PITPNC1: variants seen among roughly 807,000 people sequenced by gnomAD.
The protein encoded by PITPNC1 is cytoplasmic phosphatidylinositol transfer protein 1.
In PITPNC1, 18 loss-of-function variants were observed where a neutral mutation model predicts 44.7. The observed-to-expected ratio is 0.40, with a 90% CI of 0.28 to 0.60. The LOEUF is 0.60. Ranked by LOEUF, PITPNC1 falls within the 20% of genes least tolerant of loss-of-function variation. The probability of loss-of-function intolerance (pLI) is 0.39; values close to 1 mark genes in which losing one functional copy is unlikely to be tolerated. For synonymous variants in PITPNC1, 141 were observed against 149.6 expected (o/e 0.94, Z 0.42); for missense variants, 290 against 418.4 (o/e 0.69, Z 2.68).
At chr17:67,528,855 C>T (rs756723170) in intron 1 of PITPNC1, among the ~76,000 whole-genome samples, 2 of 152,262 alleles carry the variant, frequency 1.3e-5, no homozygotes, top group Admixed American at 1.3e-4. Flanking sequence ...TCTCCCTCCC[C>T]CAAACGAGAA....
At chr17:67,566,609 G>T (rs1411734432) in intron 4 of PITPNC1, among the ~76,000 whole-genome samples, 1 of 152,186 alleles carries the variant, frequency 6.6e-6, no homozygotes, top group Non-Finnish European at 1.5e-5. Context: ...GGGTAATTTG[G>T]CATCTAAAGG....
At chr17:67,608,773 G>C (rs374715952) in intron 5 of PITPNC1, among the ~76,000 whole-genome samples, 123 of 150,368 alleles carry the variant, frequency 8.2e-4, no homozygotes, top group African/African-American at 2.8e-3. Flanking sequence ...CAAAGCGTTG[G>C]GAGGCATGAA....
chr17:67,432,176 G>C (rs987089422), intron 1 of PITPNC1, among the ~76,000 whole-genome samples: 3 of 152,186 alleles, frequency 2.0e-5, no homozygotes, highest in African/African-American at 4.8e-5. Context: ...TGGAAGAATT[G>C]TCTTGGACCA....
At chr17:67,545,772 C>T (rs942265687) in intron 2 of PITPNC1, among the ~76,000 whole-genome samples, 2 of 152,018 alleles carry the variant, frequency 1.3e-5, no homozygotes, top group African/African-American at 4.8e-5. Flanking sequence ...CACACACATA[C>T]ACAGACGGAG....
chr17:67,516,396 C>A (rs2040258443), intron 1 of PITPNC1, among the ~76,000 whole-genome samples: 1 of 152,132 alleles, frequency 6.6e-6, no homozygotes, highest in South Asian at 2.1e-4. Context: ...CCTCATTTGT[C>A]AAATAGGGAT....
intron 5 of PITPNC1, among the ~76,000 whole-genome samples, chr17:67,631,406 G>A (rs538400698): frequency 1.1e-4 from 16 of 145,916 alleles, no homozygotes; most frequent in African/African-American, 4.0e-4. Flanking sequence ...GAGGCGGGCG[G>A]ATCACGAGGT....
At chr17:67,381,464 C>CTG (rs2037958579) in intron 1 of PITPNC1, among the ~76,000 whole-genome samples, 1 of 147,192 alleles carries the variant, frequency 6.8e-6, no homozygotes, top group East Asian at 2.1e-4. Context: ...ACTTGTTTCT[C>CTG]TCTCTTTTTT....
At chr17:67,523,856 GGC>G (rs1331626037) in intron 1 of PITPNC1, among the ~76,000 whole-genome samples, 1 of 138,770 alleles carries the variant, frequency 7.2e-6, no homozygotes, top group East Asian at 2.1e-4. Flanking sequence ...TCTGTCACCA[GGC>G]TGGAGCACAG....
chr17:67,689,289 G>T (rs921990679), intron 8 of PITPNC1, among the ~76,000 whole-genome samples: 2 of 152,012 alleles, frequency 1.3e-5, no homozygotes, highest in African/African-American at 4.8e-5. Context: ...AGGTGATAAC[G>T]TAGAGTGGTT....
At chr17:67,534,375 C>T (rs902704981) in intron 2 of PITPNC1, among the ~76,000 whole-genome samples, 1 of 152,112 alleles carries the variant, frequency 6.6e-6, no homozygotes, top group African/African-American at 2.4e-5. Flanking sequence ...TGGTGGCTCA[C>T]ACCTATAATC....
chr17:67,629,111 G>C (rs1475681259), intron 5 of PITPNC1, among the ~76,000 whole-genome samples: 2 of 152,038 alleles, frequency 1.3e-5, no homozygotes, highest in Non-Finnish European at 2.9e-5. Context: ...AACCTGTCAT[G>C]CCCCCCCTTC....
chr17:67,535,804 G>A (rs1196092610), intron 2 of PITPNC1, among the ~76,000 whole-genome samples: 2 of 152,216 alleles, frequency 1.3e-5, no homozygotes, highest in Admixed American at 6.5e-5. Flanking sequence ...AAGCAGACCC[G>A]TTAATGCTAA....
intron 8 of PITPNC1, among the ~76,000 whole-genome samples, chr17:67,680,420 T>C (rs2042681217): frequency 6.6e-6 from 1 of 152,022 alleles, no homozygotes; most frequent in Admixed American, 6.6e-5. Flanking sequence ...GCCAACATGG[T>C]GAAACTCCGT....
In PITPNC1 at chr17:67,451,646, TG is replaced by T. The variant is rs1369351417; in HGVS notation, c.48+73445del. ...AGACTGACCTTTTTTTTTTTTGTTT[TG>T]TTTTTTTTTGAGACAGAGTCTCGCT... is the stretch of plus-strand genomic sequence containing the variant. On this transcript the variant is annotated intron_variant, in intron 1 of 8. Coordinates refer to ENST00000581322, the MANE Select transcript of PITPNC1 (RefSeq NM_012417.4). Among the ~76,000 whole-genome samples the T allele has an allele frequency of 9.5e-3, 1,440 of 151,274 alleles. 24 individuals carry two copies. The highest frequency in any genetic ancestry group is 0.033 in the African/African-American group (1,351 of 40,794).
intron 1 of PITPNC1, among the ~76,000 whole-genome samples, chr17:67,462,225 C>CTTTTTTTTTTTTTTTTTTTTTTTTTTTTT (rs549707875): frequency 7.0e-5 from 5 of 71,256 alleles, no homozygotes; most frequent in Admixed American, 1.8e-4. Flanking sequence ...TTCTTTCTTT[C>CTTTTTTTTTTTTTTTTTTTTTTTTTTTTT]TTTTTTTTTT....
In PITPNC1 at chr17:67,523,813, T is replaced by G. The variant is rs887011777; in HGVS notation, c.49-8989T>G. ...TCAGAAATACATGGAAACCGTTTTT[T>G]TTTTTTTTTTTTTTTTTAATTGAGA... On this transcript the variant is annotated intron_variant, in intron 1 of 8. Transcript: ENST00000581322. 6.1e-5 allele frequency among the ~76,000 whole-genome samples: 9 copies of G among 147,590 alleles called. No individual in the cohort carries two copies. In the South Asian group the frequency reaches 1.3e-3, roughly 22 times the overall value.
At chr17:67,514,602 A>G (rs2040234105) in intron 1 of PITPNC1, among the ~76,000 whole-genome samples, 2 of 150,400 alleles carry the variant, frequency 1.3e-5, no homozygotes, top group African/African-American at 2.4e-5. Flanking sequence ...AGGCAGACAG[A>G]TCACCCGAGG....
chr17:67,423,903 C>T (rs1393777040), intron 1 of PITPNC1, among the ~76,000 whole-genome samples: 1 of 152,044 alleles, frequency 6.6e-6, no homozygotes, highest in African/African-American at 2.4e-5. Context: ...GGATCAGTTT[C>T]ACAGAAGAGG....
At chr17:67,466,787 G>A (rs1241040127) in intron 1 of PITPNC1, among the ~76,000 whole-genome samples, 1 of 152,072 alleles carries the variant, frequency 6.6e-6, no homozygotes, top group Non-Finnish European at 1.5e-5. Flanking sequence ...AGGAGGTTGG[G>A]CTGGGAGATG....
Sources: allele counts gnomAD v4.1 joint callset (sites outside exome capture counted in the v4.1 genomes callset), GRCh38; gene constraint gnomAD v4.1.1; transcripts MANE v1.5; gene names NCBI Gene and HGNC (gene_info 2026-07-23, HGNC 2026-07-21).